CP: variants seen among roughly 807,000 people sequenced by gnomAD.
CP encodes caeruloplasmin.
CP carries 64 observed loss-of-function variants against 122.4 expected under a neutral mutation model. The ratio of observed to expected loss-of-function variants is 0.52; its 90% confidence interval spans 0.43 to 0.64. The LOEUF is 0.64. CP is among the 30% of genes least tolerant of loss of function. CP has a pLI of 0.00. For synonymous variants in CP, 440 were observed against 436.4 expected, an observed-to-expected ratio of 1.01 and a Z score of -0.10; for missense variants, 1,167 against 1,284.4, an observed-to-expected ratio of 0.91 and a Z score of 1.40.
Position 149,186,671 on chromosome 3 carries a change from G to A in CP, c.1926C>T (p.Val642=), listed in dbSNP as rs757472310. Reference sequence around the variant, plus strand: ...TTCCGGCGCTGAATAAGTACCACACGACCGAATCTCCTTTGCACATAGTGA... The same window carrying A: ...TTCCGGCGCTGAATAAGTACCACACAACCGAATCTCCTTTGCACATAGTGA... ...PGLTMCKGDS[V]VWYLFSAGNE... is the part of the protein sequence containing the mutation. The change falls in exon 11 of 19, where the codon GTC becomes GTT. Residue 642 remains valine (V), a synonymous_variant. Transcript: ENST00000264613. 19 of 1,613,946 alleles carry A rather than the reference G, an allele frequency of 1.2e-5. No individual in the cohort carries two copies. The highest frequency in any genetic ancestry group is 5.3e-5 in the African/African-American group (4 of 74,880).
intron 14 of CP, 133 bp from the exon 15 acceptor site, chr3:149,179,795 A>C: frequency 1.5e-6 from 1 of 677,372 alleles, no homozygotes; most frequent in Non-Finnish European, 2.6e-6. Context: ...CAGTGTAATT[A>C]GTTTTTAAAA....
chr3:149,195,725 G>T (rs911102916), intron 9 of CP, among the ~76,000 whole-genome samples: 4 of 152,128 alleles, frequency 2.6e-5, no homozygotes, highest in Non-Finnish European at 4.4e-5. Flanking sequence ...AATTAGCTGG[G>T]CGTGGTGGCG....
chr3:149,176,076 C>G, intron 18 of CP, 174 bp downstream of exon 18: 2 of 631,420 alleles, frequency 3.2e-6, no homozygotes, highest in Non-Finnish European at 5.6e-6. Context: ...CAGTATCCCT[C>G]ACCATTTAGC....
intron 7 of CP, 61 bp from the exon 8 acceptor site, chr3:149,199,925 T>C: frequency 1.3e-6 from 2 of 1,537,656 alleles, no homozygotes; most frequent in Non-Finnish European, 1.8e-6. Context: ...ATGTATAAGA[T>C]AGTTATCTTC....
chr3:149,207,619 T>C lies in CP; in HGVS notation c.782-2A>G. The C allele has an allele frequency of 1.2e-6, 2 of 1,613,844 alleles. No individual in the cohort carries two copies. Among genetic ancestry groups the C allele is most frequent in the Non-Finnish European group, 1.7e-6 (2 of 1,179,720 alleles). Reference sequence around the variant, plus strand: ...TTCCAAAAGTGTATCCATTCACAGCTGTAAGTCAAGAGCAGAGTTTGTGAC... The same window carrying C: ...TTCCAAAAGTGTATCCATTCACAGCCGTAAGTCAAGAGCAGAGTTTGTGAC... On this transcript the variant is annotated splice_acceptor_variant, in intron 4 of 18. Coordinates refer to ENST00000264613, the MANE Select transcript of CP (RefSeq NM_000096.4). LOFTEE classifies it high-confidence loss of function.
At chr3:149,211,230 C>T (rs991890775) in intron 2 of CP, among the ~76,000 whole-genome samples, 1 of 152,150 alleles carries the variant, frequency 6.6e-6, no homozygotes, top group Non-Finnish European at 1.5e-5. Flanking sequence ...AAATTAATTT[C>T]CCTATTCGAT....
intron 2 of CP, among the ~76,000 whole-genome samples, chr3:149,211,530 C>A (rs1728097462): frequency 6.6e-6 from 1 of 152,166 alleles, no homozygotes; most frequent in Non-Finnish European, 1.5e-5. Flanking sequence ...AGGCACCAAA[C>A]CTTATCTTTG....
chr3:149,193,992 A>G (rs1211298575), intron 9 of CP, among the ~76,000 whole-genome samples: 1 of 152,198 alleles, frequency 6.6e-6, no homozygotes, highest in African/African-American at 2.4e-5. Flanking sequence ...CAGAAGGTAA[A>G]TCTCATTTTA....
At chr3:149,190,176 T>C (rs1170957233) in intron 9 of CP, among the ~76,000 whole-genome samples, 1 of 151,868 alleles carries the variant, frequency 6.6e-6, no homozygotes, top group Non-Finnish European at 1.5e-5. Context: ...GAAATATAAA[T>C]CTCTGGCAAG....
At position 149,183,512 on chromosome 3, in the gene CP, A is replaced by G; in HGVS notation, c.2379T>C (p.Arg793=). ...CTTCAGCTTTTCTCTCCACTGGAAC[A>G]CGGAATGTGCTATCAGTATACTGCC... ...VYRQYTDSTF[R]VPVERKAEEE... Residue 793 remains arginine, a synonymous_variant, in exon 13 of 19, where the codon CGT becomes CGC. Coordinates refer to ENST00000264613, the MANE Select transcript of CP (RefSeq NM_000096.4). 6.2e-7 allele frequency: 1 copy of G among 1,611,898 alleles called. No homozygotes were observed. The highest frequency in any genetic ancestry group is 1.3e-5 in the African/African-American group (1 of 74,910).
intron 9 of CP, among the ~76,000 whole-genome samples, chr3:149,189,895 A>G (rs2108249523): frequency 6.6e-6 from 1 of 152,310 alleles, no homozygotes; most frequent in South Asian, 2.1e-4. Context: ...AATAACTTAG[A>G]TCGAAGAGAA....
rs770355886 is a variant in CP, at chr3:149,177,825, A to G, written c.3018+15T>C. ...TTCAAACAGAGCAAGAGTAATTGCC[A>G]TGGATAGCTCTTACCTTGTATTGGA... is the stretch of plus-strand genomic sequence containing the variant. On this transcript the variant is annotated intron_variant, in intron 17 of 18. Transcript: ENST00000264613. 6.2e-7 allele frequency: 1 copy of G among 1,612,998 alleles called. No homozygotes were observed. The highest frequency in any genetic ancestry group is 8.5e-7 in the Non-Finnish European group (1 of 1,178,974).
downstream of CP, chr3:149,172,230 A>G: frequency 2.5e-6 from 4 of 1,609,178 alleles, no homozygotes; most frequent in South Asian, 1.1e-5. Flanking sequence ...TAAAGGTATC[A>G]TTTGAAAAAT....
At chr3:149,184,431 A>G (rs918986167) in intron 12 of CP, among the ~76,000 whole-genome samples, 2 of 152,150 alleles carry the variant, frequency 1.3e-5, no homozygotes, top group Non-Finnish European at 2.9e-5. Context: ...AACTATACTC[A>G]CTACTGCTGT....
At position 149,173,386 on chromosome 3, in the gene CP, G is replaced by T; in HGVS notation, c.*328C>A. The T allele has an allele frequency of 5.0e-6, 1 of 199,806 alleles. No homozygotes were observed. Among genetic ancestry groups the T allele is most frequent in the Non-Finnish European group, 1.0e-5 (1 of 99,014 alleles). The allele number at this position is 199,806 out of a possible 1,614,324, so 12.4% of individuals were successfully genotyped here. On this transcript the variant is annotated 3_prime_UTR_variant, in exon 19 of 19. Coordinates refer to ENST00000264613, the MANE Select transcript of CP (RefSeq NM_000096.4). ...CAATGAACCTTAATAGTGTTCCTTT[G>T]AGGAGCACCCAGGAGAATATCTGGT...
In CP at chr3:149,181,974, GCACCACCCCCAC is replaced by G; in HGVS notation, c.2554+19_2554+30del. ...GAAAGGCTGTACAGCCTGTTAAAAT[GCACCACCCCCAC>G]CCCCGCCCCCGTGAGTACCTGGTAA... On this transcript the variant is annotated intron_variant, in intron 14 of 18. Coordinates refer to ENST00000264613, the MANE Select transcript of CP (RefSeq NM_000096.4). 1.0e-5 allele frequency: 14 copies of G among 1,356,678 alleles called. No homozygotes were observed. The highest frequency in any genetic ancestry group is 1.5e-5 in the Non-Finnish European group (14 of 955,860). The allele number at this position is 1,356,678 out of a possible 1,614,324, so 84.0% of individuals were successfully genotyped here. A position where few individuals can be genotyped will look rare whatever the true frequency, so the allele number is the denominator to read the frequency against.
intron 2 of CP, among the ~76,000 whole-genome samples, chr3:149,211,295 A>C (rs913543201): frequency 6.6e-6 from 1 of 152,212 alleles, no homozygotes; most frequent in Non-Finnish European, 1.5e-5. Flanking sequence ...TTATGATAGC[A>C]GCTGATAGTT....
intron 9 of CP, among the ~76,000 whole-genome samples, chr3:149,196,104 G>T (rs981519101): frequency 6.6e-6 from 1 of 152,136 alleles, no homozygotes; most frequent in Non-Finnish European, 1.5e-5. Flanking sequence ...ATGACAAAAA[G>T]AGTGGCAAAC....
At chr3:149,165,552 C>G (rs1724334106) in intron 5 of CP, among the ~76,000 whole-genome samples, 1 of 151,998 alleles carries the variant, frequency 6.6e-6, no homozygotes, top group Non-Finnish European at 1.5e-5. Context: ...TCATGGCTCA[C>G]TGTAACCTCC....
Sources: allele counts gnomAD v4.1 joint callset (sites outside exome capture counted in the v4.1 genomes callset), GRCh38; gene constraint gnomAD v4.1.1; transcripts MANE v1.5; gene names NCBI Gene and HGNC (gene_info 2026-07-23, HGNC 2026-07-21).